SCFD2: variants seen among roughly 807,000 people sequenced by gnomAD.
The protein encoded by SCFD2 is sec1 family domain containing 2, also known as sec1 family domain-containing protein 2.
In SCFD2, 54 loss-of-function variants were observed where a neutral mutation model predicts 58.9. That is an observed-to-expected ratio of 0.92 (90% CI 0.74 to 1.15). The LOEUF is 1.15. Ranked by LOEUF, SCFD2 falls within the 50% of genes most tolerant of loss-of-function variation. The pLI, the probability that SCFD2 is intolerant of heterozygous loss-of-function variation, is 0.00. For synonymous variants in SCFD2, 321 were observed against 335.9 expected, an observed-to-expected ratio of 0.96 and a Z score of 0.49; for missense variants, 805 against 836.6, an observed-to-expected ratio of 0.96 and a Z score of 0.47.
intron 7 of SCFD2, among the ~76,000 whole-genome samples, chr4:52,889,692 A>T (rs1276958631): frequency 6.6e-6 from 1 of 152,230 alleles, no homozygotes; most frequent in African/African-American, 2.4e-5. Context: ...GTGCTGCTCC[A>T]TTAATTTTAA....
chr4:53,342,299 G>C (rs1733904657), intron 2 of SCFD2, among the ~76,000 whole-genome samples: 1 of 151,354 alleles, frequency 6.6e-6, no homozygotes, highest in Non-Finnish European at 1.5e-5. Context: ...AAAAGGAGCA[G>C]TTGCAATCCT....
intron 4 of SCFD2, among the ~76,000 whole-genome samples, chr4:53,230,197 T>C (rs1389711861): frequency 6.6e-6 from 1 of 152,168 alleles, no homozygotes; most frequent in Non-Finnish European, 1.5e-5. Context: ...GTTCAACCAT[T>C]GTGGAAGTCA....
At chr4:52,992,508 C>T (rs1004835914) in intron 5 of SCFD2, among the ~76,000 whole-genome samples, 1 of 151,492 alleles carries the variant, frequency 6.6e-6, no homozygotes, top group Non-Finnish European at 1.5e-5. Context: ...ATGTGAGGAG[C>T]CCCTCTGCCC....
chr4:53,265,906 A>AT lies in SCFD2; in HGVS notation c.1311+7919dup, dbSNP rs1305165425. ...AGGCATGCACCACCACATCCAGCTA[A>AT]TTTTTTTTTTTCATTTTTAGTACAG... On this transcript the variant is annotated intron_variant, in intron 4 of 8. Transcript: ENST00000401642. Among the ~76,000 whole-genome samples, 656 of 146,396 alleles carry AT rather than the reference A, an allele frequency of 4.5e-3. 17 individuals are homozygous for AT. The highest frequency in any genetic ancestry group is 0.039 in the Admixed American group (569 of 14,690).
At chr4:52,919,104 T>C (rs1044769259) in intron 6 of SCFD2, among the ~76,000 whole-genome samples, 4 of 152,222 alleles carry the variant, frequency 2.6e-5, no homozygotes, top group African/African-American at 9.7e-5. Context: ...ATGACAGTGT[T>C]GGCAGCAGGG....
chr4:53,320,273 A>C (rs1732987226), intron 2 of SCFD2, among the ~76,000 whole-genome samples: 1 of 152,208 alleles, frequency 6.6e-6, no homozygotes, highest in Non-Finnish European at 1.5e-5. Context: ...AAAGGCTTGA[A>C]CTAAAATGCC....
In SCFD2 at chr4:53,352,683, T is replaced by A; in HGVS notation, c.922A>T (p.Met308Leu). Residue 308 changes from methionine (M) to leucine (L), a missense_variant, in exon 2 of 9, where the codon ATG (methionine) becomes TTG (leucine). This residue lies in a region of SCFD2 where 633 missense variants were observed against 646.8 expected (regional missense o/e 0.98). Transcript: ENST00000401642. The part of the protein sequence containing the change: ...PQLPGHTNDV[M>L]VNMIALTALH... ...GCAGTGAGCGCTATCATGTTAACCA[T>A]CACATCATTTGTGTGGCCTGGGAGC... is the stretch of plus-strand genomic sequence containing the variant. 2 of 1,614,014 alleles carry A rather than the reference T, an allele frequency of 1.2e-6. No homozygotes were observed. Among genetic ancestry groups the A allele is most frequent in the Non-Finnish European group, 1.7e-6 (2 of 1,179,902 alleles).
At chr4:53,060,389 T>G (rs1256116121) in intron 5 of SCFD2, among the ~76,000 whole-genome samples, 1 of 152,060 alleles carries the variant, frequency 6.6e-6, no homozygotes, top group East Asian at 1.9e-4. Context: ...CCAAGTGAGT[T>G]TTACATGTAA....
At position 53,141,475 on chromosome 4, in the gene SCFD2, T is replaced by C. The variant is rs563478548; in HGVS notation, c.1561+3858A>G. Among the ~76,000 whole-genome samples the C allele has an allele frequency of 2.1e-4, 32 of 151,826 alleles. No individual in the cohort carries two copies. In the East Asian group the frequency reaches 5.6e-3, roughly 27 times the overall value. On this transcript the variant is annotated intron_variant, in intron 5 of 8. Transcript: ENST00000401642. Reference sequence around the variant, plus strand: ...AAAACAAAACAAAACACACAACGAGTCACTACCCACAAGAGCCAAGATTTT... The same window carrying C: ...AAAACAAAACAAAACACACAACGAGCCACTACCCACAAGAGCCAAGATTTT...
At chr4:53,249,997 C>T (rs141083534) in intron 4 of SCFD2, among the ~76,000 whole-genome samples, 3 of 152,140 alleles carry the variant, frequency 2.0e-5, no homozygotes, top group African/African-American at 4.8e-5. Flanking sequence ...TTAAAAGACA[C>T]AGACTGGCAA....
intron 4 of SCFD2, among the ~76,000 whole-genome samples, chr4:53,165,720 C>T (rs774163967): frequency 2.0e-5 from 3 of 152,146 alleles, no homozygotes; most frequent in African/African-American, 4.8e-5. Context: ...AAAACACTCA[C>T]GGAGACCAGG....
intron 6 of SCFD2, among the ~76,000 whole-genome samples, chr4:52,914,199 C>T (rs142779011): frequency 1.6e-3 from 245 of 152,212 alleles, no homozygotes; most frequent in African/African-American, 5.3e-3. Flanking sequence ...CAAAAATGAC[C>T]GCTGGTTGGT....
intron 2 of SCFD2, among the ~76,000 whole-genome samples, chr4:53,324,331 T>C (rs1733113483): frequency 6.7e-6 from 1 of 148,634 alleles, no homozygotes; most frequent in South Asian, 2.1e-4. Context: ...AACAAGAGGA[T>C]CGCTTGAGTC....
chr4:53,353,578 T>C (rs750125387), intron 1 of SCFD2, among the ~76,000 whole-genome samples: 1 of 152,170 alleles, frequency 6.6e-6, no homozygotes, highest in Non-Finnish European at 1.5e-5. Flanking sequence ...AGCTGATTGG[T>C]CCATTTTGCA....
chr4:53,230,932 A>G (rs1729417740), intron 4 of SCFD2, among the ~76,000 whole-genome samples: 1 of 152,266 alleles, frequency 6.6e-6, no homozygotes, highest in East Asian at 1.9e-4. Flanking sequence ...TGTACACTGT[A>G]TTGTATGCTT....
At chr4:53,346,338 G>A (rs918339583) in intron 2 of SCFD2, among the ~76,000 whole-genome samples, 20 of 149,332 alleles carry the variant, frequency 1.3e-4, no homozygotes, top group Middle Eastern at 3.4e-3. Flanking sequence ...GCAATGGCGC[G>A]ATCTCTGCTC....
intron 4 of SCFD2, among the ~76,000 whole-genome samples, chr4:53,268,056 C>T (rs17082549): frequency 0.11 from 17,151 of 151,934 alleles, 1,095 homozygotes; most frequent in East Asian, 0.22. Context: ...ATTGTCCATA[C>T]GGTAGGGCAG....
chr4:52,944,681 C>G (rs536962957), intron 5 of SCFD2, among the ~76,000 whole-genome samples: 2 of 152,236 alleles, frequency 1.3e-5, no homozygotes, highest in African/African-American at 4.8e-5. Context: ...AATAGATACT[C>G]TACTTCAACT....
intron 4 of SCFD2, among the ~76,000 whole-genome samples, chr4:53,164,059 C>G (rs371538419): frequency 1.3e-5 from 2 of 152,110 alleles, no homozygotes; most frequent in African/African-American, 4.8e-5. Flanking sequence ...TGGTAAAAAG[C>G]AAGATAATAC....
Sources: allele counts gnomAD v4.1 joint callset (sites outside exome capture counted in the v4.1 genomes callset), GRCh38; gene constraint gnomAD v4.1.1; regional missense constraint gnomAD v4.1.1; transcripts MANE v1.5; gene names NCBI Gene and HGNC (gene_info 2026-07-23, HGNC 2026-07-21).